Variants in ADAMTSL3 observed in about 807,000 individuals in gnomAD.
ADAMTSL3 encodes the protein ADAMTS like 3.
A neutral mutation model predicts 201.7 loss-of-function variants in ADAMTSL3; 128 were observed. The observed-to-expected ratio is 0.63, with a 90% CI of 0.55 to 0.73. ADAMTSL3 has a LOEUF of 0.73. Ranked by LOEUF, ADAMTSL3 falls within the 30% of genes least tolerant of loss-of-function variation. The pLI is 0.00. For synonymous variants in ADAMTSL3, 738 were observed against 748.4 expected (o/e 0.99, Z 0.23); for missense variants, 1,990 against 2,119.6 (o/e 0.94, Z 1.20).
rs2895952 is a variant in ADAMTSL3, at chr15:83,876,101, G to A, written c.960+5142G>A. Among the ~76,000 whole-genome samples, 649 of 151,804 alleles carry A rather than the reference G, an allele frequency of 4.3e-3. 3 individuals are homozygous for A. The highest frequency in any genetic ancestry group is 0.015 in the African/African-American group (610 of 41,432). Reference sequence around the variant, plus strand: ...AATTTTGAAATTTACATTTTTCTACGGAAGTATCCAATTCATCCATTTTTC... The same window carrying A: ...AATTTTGAAATTTACATTTTTCTACAGAAGTATCCAATTCATCCATTTTTC... On this transcript the variant is annotated intron_variant, in intron 9 of 29. Transcript: ENST00000286744.
intron 19 of ADAMTSL3, among the ~76,000 whole-genome samples, chr15:83,963,660 A>C (rs546475954): frequency 6.6e-6 from 1 of 152,352 alleles, no homozygotes; most frequent in African/African-American, 2.4e-5. Flanking sequence ...AGCTCTGCTA[A>C]GGGATAGACT....
At chr15:83,679,204 ATTTC>A (rs1266811638) in intron 2 of ADAMTSL3, among the ~76,000 whole-genome samples, 3 of 151,866 alleles carry the variant, frequency 2.0e-5, no homozygotes, top group Non-Finnish European at 4.4e-5. Context: ...CATATCTTCT[ATTTC>A]TTTTATGAGA....
rs779847849 is a variant in ADAMTSL3, at chr15:83,890,073, A to T, written c.1073-36A>T. The T allele has an allele frequency of 1.9e-5, 30 of 1,576,298 alleles. 1 individual carries two copies. The South Asian group carries it at 3.4e-4, about 18-fold the overall frequency. ...ACTCTGCCAAGTAAAAATGAAACGG[A>T]TGCAATATTCAGACTTGCCTTTTCT... On this transcript the variant is annotated intron_variant, in intron 10 of 29. Transcript: ENST00000286744.
rs1389703069 is a variant in ADAMTSL3, at chr15:83,913,080, G to A, written c.1701-12G>A. 3 of 1,610,036 alleles carry A rather than the reference G, an allele frequency of 1.9e-6. No individual in the cohort carries two copies. The African/African-American group carries it at 4.0e-5, about 22-fold the overall frequency. On this transcript the variant is annotated splice_polypyrimidine_tract_variant and intron_variant, in intron 15 of 29. Transcript: ENST00000286744. ...CAGTGTCCTTTTCTGGTGGCTTCCT[G>A]GTTTTCCCTAGGTTCATTCCAGAAC...
intron 2 of ADAMTSL3, among the ~76,000 whole-genome samples, chr15:83,691,178 T>G (rs1393821353): frequency 6.6e-6 from 1 of 152,256 alleles, no homozygotes; most frequent in Non-Finnish European, 1.5e-5. Context: ...ATTTTTTGAC[T>G]GCTGGGTATT....
intron 7 of ADAMTSL3, among the ~76,000 whole-genome samples, chr15:83,842,738 T>C (rs1311792804): frequency 1.3e-5 from 2 of 152,170 alleles, no homozygotes; most frequent in African/African-American, 4.8e-5. Flanking sequence ...CTCAGATCAG[T>C]GAACACAGTT....
intron 7 of ADAMTSL3, among the ~76,000 whole-genome samples, chr15:83,850,482 G>C (rs1285675917): frequency 6.7e-6 from 1 of 149,706 alleles, no homozygotes; most frequent in Non-Finnish European, 1.5e-5. Flanking sequence ...ATGTATATGG[G>C]TGTATAATAT....
intron 19 of ADAMTSL3, among the ~76,000 whole-genome samples, chr15:83,958,427 G>A (rs2066898916): frequency 6.6e-6 from 1 of 152,166 alleles, no homozygotes; most frequent in Non-Finnish European, 1.5e-5. Flanking sequence ...GAGTTGGGGA[G>A]TCCAGAGATA....
At chr15:83,877,644 T>C (rs1027997731) in intron 9 of ADAMTSL3, among the ~76,000 whole-genome samples, 1 of 152,236 alleles carries the variant, frequency 6.6e-6, no homozygotes, top group Non-Finnish European at 1.5e-5. Context: ...TGGATTTTGA[T>C]TGGAATTGCA....
intron 6 of ADAMTSL3, among the ~76,000 whole-genome samples, chr15:83,823,326 G>C (rs1263297434): frequency 1.3e-5 from 2 of 152,178 alleles, no homozygotes. Context: ...AGTAACAACA[G>C]CAGATGAGCA....
At chr15:83,871,053 C>A (rs2065071287) in intron 9 of ADAMTSL3, 94 bp downstream of exon 9, 1 of 1,436,650 alleles carries the variant, frequency 7.0e-7, no homozygotes, top group Non-Finnish European at 9.5e-7. Context: ...GGTCATCAAT[C>A]ATTGTTTTTT....
At position 83,913,240 on chromosome 15, in the gene ADAMTSL3, G is replaced by A. The variant is rs370221387; in HGVS notation, c.1849G>A (p.Glu617Lys). ...GTGTGAAGGCCCCAAGCTGCCCACC[G>A]AACGGCCCTGCCTCCTGGAAGCATG... Reference protein sequence around the residue: ...EECEGPKLPTERPCLLEACDE... With the variant: ...EECEGPKLPTKRPCLLEACDE... Residue 617 changes from glutamate (E) to lysine (K), a missense_variant, in exon 16 of 30, where the codon GAA becomes AAA. Glu to Lys is a moderately conservative substitution (Grantham distance 56, BLOSUM62 1). Transcript: ENST00000286744. 6.2e-6 allele frequency: 10 copies of A among 1,613,968 alleles called. No homozygotes were observed. Among genetic ancestry groups the A allele is most frequent in the Middle Eastern group, 1.6e-4 (1 of 6,084 alleles).
chr15:83,765,963 A>C (rs1047635795), intron 3 of ADAMTSL3, among the ~76,000 whole-genome samples: 1 of 152,224 alleles, frequency 6.6e-6, no homozygotes. Context: ...TAAAAGAAGA[A>C]AGTAAAAAGT....
At chr15:83,689,628 CTGT>C (rs1455438243) in intron 2 of ADAMTSL3, among the ~76,000 whole-genome samples, 1 of 152,144 alleles carries the variant, frequency 6.6e-6, no homozygotes, top group Non-Finnish European at 1.5e-5. Context: ...ATTCATTCTA[CTGT>C]TGATGGTTTA....
intron 8 of ADAMTSL3, among the ~76,000 whole-genome samples, chr15:83,870,090 G>C (rs541570735): frequency 6.6e-6 from 1 of 152,272 alleles, no homozygotes; most frequent in Admixed American, 6.5e-5. Context: ...CTTTTTTTCT[G>C]TAGGAAATCT....
rs2065361847 is a variant in ADAMTSL3, at chr15:83,885,173, C to G, written c.1033C>G (p.Gln345Glu). 1 of 1,614,098 alleles carries G rather than the reference C, an allele frequency of 6.2e-7. No homozygotes were observed. Among genetic ancestry groups the G allele is most frequent in the Middle Eastern group, 1.6e-4 (1 of 6,062 alleles). ...CCAGCCCATCAGTCATCAGTGGAGA[C>G]AAACTGACTTCTTTCCCTGCACTGT... is the stretch of plus-strand genomic sequence containing the variant. ...FYQPISHQWR[Q>E]TDFFPCTVTC... is the part of the protein sequence containing the mutation. The change falls in exon 10 of 30, where the codon CAA (glutamine) becomes GAA (glutamate). Residue 345 changes from glutamine to glutamate, a missense_variant. Transcript: ENST00000286744.
At chr15:83,976,243 T>C (rs1369330210) in intron 20 of ADAMTSL3, among the ~76,000 whole-genome samples, 1 of 152,110 alleles carries the variant, frequency 6.6e-6, no homozygotes, top group Non-Finnish European at 1.5e-5. Context: ...CAGCTACCAA[T>C]GTGATGTCAT....
intron 7 of ADAMTSL3, among the ~76,000 whole-genome samples, chr15:83,858,180 G>A (rs2064779969): frequency 6.6e-6 from 1 of 152,196 alleles, no homozygotes; most frequent in Admixed American, 6.5e-5. Context: ...ATGAAGAGAT[G>A]TGGCTAGATT....
intron 6 of ADAMTSL3, among the ~76,000 whole-genome samples, chr15:83,836,600 C>G (rs762557302): frequency 1.7e-4 from 26 of 152,050 alleles, no homozygotes; most frequent in Non-Finnish European, 3.1e-4. Flanking sequence ...TGAGGGCTAC[C>G]CAGGAGTCAA....
Sources: allele counts gnomAD v4.1 joint callset (sites outside exome capture counted in the v4.1 genomes callset), GRCh38; gene constraint gnomAD v4.1.1; transcripts MANE v1.5; gene names NCBI Gene and HGNC (gene_info 2026-07-23, HGNC 2026-07-21).